The following SPRED2 variants were observed in gnomAD, a reference collection of about 807,000 sequenced individuals.
SPRED2 encodes sprouty related EVH1 domain containing 2.
In SPRED2, 47 loss-of-function variants were observed where a neutral mutation model predicts 43.0. The ratio of observed to expected loss-of-function variants is 1.09; its 90% CI spans 0.87 to 1.40. The LOEUF is 1.40. Ranked by LOEUF, SPRED2 falls within the 40% of genes most tolerant of loss-of-function variation. The pLI is 0.00. For missense variants in SPRED2, 561 were observed against 586.4 expected, an observed-to-expected ratio of 0.96 and a Z score of 0.45; for synonymous variants, 225 against 225.7, an observed-to-expected ratio of 1.00 and a Z score of 0.03.
At chr2:65,398,543 A>T (rs1200594284) in intron 1 of SPRED2, among the ~76,000 whole-genome samples, 2 of 152,176 alleles carry the variant, frequency 1.3e-5, no homozygotes, top group African/African-American at 4.8e-5. Flanking sequence ...AAATCCCATC[A>T]AAAAGTGGGC....
intron 4 of SPRED2, among the ~76,000 whole-genome samples, chr2:65,331,756 G>A (rs540933647): frequency 6.6e-6 from 1 of 152,360 alleles, no homozygotes; most frequent in East Asian, 1.9e-4. Context: ...AGACCTGGGA[G>A]AGCTGACACT....
chr2:65,371,138 G>A (rs984643198), intron 1 of SPRED2, among the ~76,000 whole-genome samples: 2 of 152,128 alleles, frequency 1.3e-5, no homozygotes, highest in South Asian at 2.1e-4. Context: ...AATGAAGAAC[G>A]TGCCTCAAAA....
chr2:65,320,722 T>C (rs1009899551), intron 4 of SPRED2, among the ~76,000 whole-genome samples: 20 of 152,154 alleles, frequency 1.3e-4, no homozygotes, highest in African/African-American at 4.8e-5. Flanking sequence ...AGATGGATAC[T>C]AACAGATGAT....
At chr2:65,349,583 C>CT (rs1273400370) in intron 1 of SPRED2, among the ~76,000 whole-genome samples, 3 of 152,174 alleles carry the variant, frequency 2.0e-5, no homozygotes, top group African/African-American at 4.8e-5. Context: ...CATGCTTTCA[C>CT]TTTTTTTGTG....
intron 2 of SPRED2, among the ~76,000 whole-genome samples, chr2:65,341,286 G>C (rs1674176648): frequency 6.6e-6 from 1 of 151,810 alleles, no homozygotes; most frequent in African/African-American, 2.4e-5. Context: ...TTAGGTACTA[G>C]TGAATATAAA....
At chr2:65,319,457 T>C (rs562962490) in intron 4 of SPRED2, among the ~76,000 whole-genome samples, 3 of 152,290 alleles carry the variant, frequency 2.0e-5, no homozygotes, top group African/African-American at 7.2e-5. Flanking sequence ...CCTTAGTCCC[T>C]TTGAGCTGCT....
intron 1 of SPRED2, among the ~76,000 whole-genome samples, chr2:65,407,733 A>C (rs1362733150): frequency 6.6e-6 from 1 of 152,118 alleles, no homozygotes; most frequent in Non-Finnish European, 1.5e-5. Context: ...CTCCGTGCAC[A>C]CAGGTAGACA....
At chr2:65,427,342 T>C (rs1407349841) in intron 1 of SPRED2, among the ~76,000 whole-genome samples, 2 of 152,168 alleles carry the variant, frequency 1.3e-5, no homozygotes, top group Non-Finnish European at 2.9e-5. Flanking sequence ...TCTCCAGTAG[T>C]GTGGGGATTT....
intron 1 of SPRED2, among the ~76,000 whole-genome samples, chr2:65,349,453 CTT>C (rs1475767391): frequency 3.3e-5 from 5 of 152,092 alleles, no homozygotes; most frequent in African/African-American, 1.2e-4. Context: ...GGTCCTACGA[CTT>C]TTAATTCTCT....
At chr2:65,336,661 T>C (rs1264568473) in intron 2 of SPRED2, among the ~76,000 whole-genome samples, 1 of 152,200 alleles carries the variant, frequency 6.6e-6, no homozygotes, top group Non-Finnish European at 1.5e-5. Flanking sequence ...TATTTTAGAA[T>C]TTAATAGTCT....
At chr2:65,323,178 A>G (rs1028661114) in intron 4 of SPRED2, among the ~76,000 whole-genome samples, 1 of 152,140 alleles carries the variant, frequency 6.6e-6, no homozygotes, top group African/African-American at 2.4e-5. Flanking sequence ...TATTTTTAGT[A>G]GAGACAGGGT....
intron 1 of SPRED2, among the ~76,000 whole-genome samples, chr2:65,395,921 T>C (rs1675748605): frequency 6.6e-6 from 1 of 152,212 alleles, no homozygotes. Flanking sequence ...TTTTTTTTCC[T>C]AAACTTTATC....
At chr2:65,429,755 T>C (rs114355204) in intron 1 of SPRED2, among the ~76,000 whole-genome samples, 2,882 of 152,272 alleles carry the variant, frequency 0.019, 52 homozygotes, top group Middle Eastern at 0.068. Flanking sequence ...GCCCATTTCT[T>C]CAGTGGCTAA....
intron 4 of SPRED2, among the ~76,000 whole-genome samples, chr2:65,320,093 C>A (rs1233863867): frequency 6.6e-6 from 1 of 152,208 alleles, no homozygotes; most frequent in Non-Finnish European, 1.5e-5. Context: ...AAGGTTACTA[C>A]AGATCTCAAT....
At chr2:65,315,472 T>C (rs371665116) in intron 5 of SPRED2, among the ~76,000 whole-genome samples, 1 of 152,184 alleles carries the variant, frequency 6.6e-6, no homozygotes, top group Non-Finnish European at 1.5e-5. Context: ...CAGGGCCATG[T>C]CCCACACATT....
intron 1 of SPRED2, among the ~76,000 whole-genome samples, chr2:65,409,453 C>A (rs1371635186): frequency 6.6e-6 from 1 of 152,112 alleles, no homozygotes; most frequent in Non-Finnish European, 1.5e-5. Context: ...ACACCCCTAT[C>A]AGAACATTTA....
chr2:65,399,502 C>T (rs1466330224), intron 1 of SPRED2, among the ~76,000 whole-genome samples: 1 of 150,604 alleles, frequency 6.6e-6, no homozygotes, highest in Non-Finnish European at 1.5e-5. Context: ...TCTGCCTCAG[C>T]CTCCCTAGTA....
At chr2:65,415,777 A>G (rs1676257938) in intron 1 of SPRED2, among the ~76,000 whole-genome samples, 1 of 152,034 alleles carries the variant, frequency 6.6e-6, no homozygotes, top group Non-Finnish European at 1.5e-5. Context: ...AACAATTAGA[A>G]TTTATTTTTT....
At chr2:65,355,580 T>C (rs1002497439) in intron 1 of SPRED2, among the ~76,000 whole-genome samples, 3 of 152,134 alleles carry the variant, frequency 2.0e-5, no homozygotes, top group Middle Eastern at 3.2e-3. Context: ...TAGCCGGGCA[T>C]GGTGGTGGAC....
Sources: allele counts gnomAD v4.1 joint callset (sites outside exome capture counted in the v4.1 genomes callset), GRCh38; gene constraint gnomAD v4.1.1; transcripts MANE v1.5; gene names NCBI Gene and HGNC (gene_info 2026-07-23, HGNC 2026-07-21).